ABCA13: variants seen among roughly 807,000 people sequenced by gnomAD.
The protein encoded by ABCA13 is ATP-binding cassette sub-family A member 13.
Under a neutral mutation model 478.7 loss-of-function variants are expected in ABCA13, and 476 were observed. The ratio of observed to expected loss-of-function variants is 0.99; its 90% CI spans 0.92 to 1.07. The LOEUF is 1.07. ABCA13 is among the 50% of genes least tolerant of loss of function. ABCA13 has a pLI of 0.00. For synonymous variants in ABCA13, 2,252 were observed against 2,158.9 expected, an observed-to-expected ratio of 1.04 and a Z score of -1.20; for missense variants, 6,060 against 5,910.6, an observed-to-expected ratio of 1.03 and a Z score of -0.83.
intron 3 of ABCA13, among the ~76,000 whole-genome samples, chr7:48,202,006 G>A (rs1046421314): frequency 6.6e-6 from 1 of 151,836 alleles, no homozygotes; most frequent in Non-Finnish European, 1.5e-5. Flanking sequence ...GGAGTTGTTT[G>A]TTCCTCCCGG....
At chr7:48,625,036 G>A (rs1793531969) in intron 59 of ABCA13, among the ~76,000 whole-genome samples, 1 of 152,138 alleles carries the variant, frequency 6.6e-6, no homozygotes, top group African/African-American at 2.4e-5. Context: ...TCATAGATGT[G>A]TTATATAGCC....
intron 35 of ABCA13, among the ~76,000 whole-genome samples, chr7:48,381,990 A>C (rs1184039669): frequency 6.6e-6 from 1 of 152,226 alleles, no homozygotes; most frequent in Non-Finnish European, 1.5e-5. Flanking sequence ...TTAGATTAGT[A>C]GATTAATTAG....
chr7:48,489,408 A>G, intron 48 of ABCA13, 64 bp downstream of exon 48: 1 of 1,387,412 alleles, frequency 7.2e-7, no homozygotes, highest in Non-Finnish European at 9.8e-7. Flanking sequence ...TAAAAGTGAA[A>G]GAAACAGAAA....
chr7:48,329,829 T>C (rs1804943853), intron 27 of ABCA13, among the ~76,000 whole-genome samples: 1 of 149,356 alleles, frequency 6.7e-6, no homozygotes, highest in African/African-American at 2.5e-5. Flanking sequence ...ATCTATTCAT[T>C]CATCCATCTA....
At chr7:48,569,470 G>T (rs1787395174) in intron 55 of ABCA13, among the ~76,000 whole-genome samples, 1 of 152,138 alleles carries the variant, frequency 6.6e-6, no homozygotes. Context: ...TGTAGTCAAA[G>T]AACATACTTT....
chr7:48,606,839 G>A lies in ABCA13; in HGVS notation c.14745-8446G>A, dbSNP rs768439975. Among the ~76,000 whole-genome samples the A allele has an allele frequency of 3.9e-5, 6 of 152,314 alleles. No homozygotes were observed. The South Asian group carries it at 1.2e-3, about 32-fold the overall frequency. On this transcript the variant is annotated intron_variant, in intron 58 of 61. Coordinates refer to ENST00000435803, the MANE Select transcript of ABCA13 (RefSeq NM_152701.5). ...AACCACCCCTTCCCCCAGGTGCTCT[G>A]TCTCAGGGAGATGGGGGTTTTATCT...
intron 55 of ABCA13, among the ~76,000 whole-genome samples, chr7:48,543,864 C>CATT (rs36096595): frequency 0.13 from 20,203 of 151,160 alleles, 1,834 homozygotes; most frequent in African/African-American, 0.21. Flanking sequence ...GAATATAAAT[C>CATT]ATAATTTTAC....
intron 1 of ABCA13, among the ~76,000 whole-genome samples, chr7:48,189,091 C>G (rs904229269): frequency 6.6e-6 from 1 of 152,098 alleles, no homozygotes; most frequent in African/African-American, 2.4e-5. Flanking sequence ...TCTGTGCCAG[C>G]GCATTTGGAC....
At chr7:48,551,790 C>CT (rs1785348732) in intron 55 of ABCA13, among the ~76,000 whole-genome samples, 1 of 151,734 alleles carries the variant, frequency 6.6e-6, no homozygotes, top group Admixed American at 6.6e-5. Context: ...GATTCCCTGA[C>CT]TACCAGAGAG....
chr7:48,401,592 T>C (rs927123352), intron 38 of ABCA13, among the ~76,000 whole-genome samples: 1 of 152,178 alleles, frequency 6.6e-6, no homozygotes, highest in Admixed American at 6.5e-5. Context: ...GCCCCTACCT[T>C]TATACCCAAT....
At chr7:48,173,605 G>A (rs1794447641) in intron 1 of ABCA13, among the ~76,000 whole-genome samples, 1 of 152,150 alleles carries the variant, frequency 6.6e-6, no homozygotes, top group Admixed American at 6.5e-5. Context: ...CTGCACAAAT[G>A]GGAAGTGATA....
rs80089257 is a variant in ABCA13 at position 48,365,731 on chromosome 7, G to A, written c.10689-2063G>A. ...TGTTGAAAATGTGTTGGCTACAAAT[G>A]TGTGGGTTTATATTTGTGTTCTTTA... On this transcript the variant is annotated intron_variant, in intron 31 of 61. Coordinates refer to ENST00000435803, the MANE Select transcript of ABCA13 (RefSeq NM_152701.5). 5.3e-3 allele frequency among the ~76,000 whole-genome samples: 811 copies of A among 152,234 alleles called. 15 individuals are homozygous for A. The highest frequency in any genetic ancestry group is 0.019 in the African/African-American group (778 of 41,552).
intron 1 of ABCA13, among the ~76,000 whole-genome samples, chr7:48,183,424 T>A (rs1464015495): frequency 6.6e-6 from 1 of 152,210 alleles, no homozygotes; most frequent in African/African-American, 2.4e-5. Flanking sequence ...AAAATAGTAA[T>A]CTTTATGACA....
intron 31 of ABCA13, among the ~76,000 whole-genome samples, chr7:48,356,251 A>G (rs1809892328): frequency 6.6e-6 from 1 of 151,952 alleles, no homozygotes; most frequent in Middle Eastern, 3.2e-3. Flanking sequence ...AGTAGCTTCC[A>G]TGATGTGGTG....
intron 41 of ABCA13, among the ~76,000 whole-genome samples, chr7:48,417,030 C>T (rs1044818574): frequency 6.6e-6 from 1 of 151,674 alleles, no homozygotes; most frequent in Non-Finnish European, 1.5e-5. Flanking sequence ...TTCATGGTGA[C>T]ATAATTTCTT....
intron 27 of ABCA13, among the ~76,000 whole-genome samples, chr7:48,325,049 A>T (rs1206756680): frequency 6.6e-6 from 1 of 152,196 alleles, no homozygotes; most frequent in Admixed American, 6.5e-5. Context: ...TCAGAGAACC[A>T]ACAATGTCTT....
Position 48,594,813 on chromosome 7 carries a change from G to A in ABCA13, c.14744G>A (p.Ser4915Asn), listed in dbSNP as rs756698024. The change falls in exon 58 of 62, where the codon AGC becomes AAC. Residue 4915 changes from serine to asparagine, a missense_variant and splice_region_variant. Around this residue, in one of 3 missense-constraint regions of ABCA13, gnomAD observed 1,627 missense variants for 1,571.0 expected, o/e 1.04. Transcript: ENST00000435803. ...EGCAAVLTSH[S>N]MEECEALCTR... The stretch of plus-strand genomic sequence containing the variant: ...TGTGCTGCGGTGCTGACCTCCCACA[G>A]GTGAGTTCCAGTTTCTCTTGTAGCC... 1 of 1,613,330 alleles carries A rather than the reference G, an allele frequency of 6.2e-7. No individual in the cohort carries two copies. The highest frequency in any genetic ancestry group is 1.1e-5 in the South Asian group (1 of 91,056).
chr7:48,512,441 A>G (rs913687645), intron 51 of ABCA13, among the ~76,000 whole-genome samples: 2 of 152,174 alleles, frequency 1.3e-5, no homozygotes, highest in African/African-American at 2.4e-5. Context: ...TATAGTAGAC[A>G]TATATTTATT....
At chr7:48,238,337 GCAGTCAC>G (rs1790275253) in intron 8 of ABCA13, among the ~76,000 whole-genome samples, 1 of 152,092 alleles carries the variant, frequency 6.6e-6, no homozygotes, top group African/African-American at 2.4e-5. Flanking sequence ...TTAGACCATG[GCAGTCAC>G]CAACAGAATC....
Sources: allele counts gnomAD v4.1 joint callset (sites outside exome capture counted in the v4.1 genomes callset), GRCh38; gene constraint gnomAD v4.1.1; regional missense constraint gnomAD v4.1.1; transcripts MANE v1.5; gene names NCBI Gene and HGNC (gene_info 2026-07-23, HGNC 2026-07-21).